Variants in GALNT13 observed in about 807,000 individuals in gnomAD.
The protein encoded by GALNT13 is polypeptide N-acetylgalactosaminyltransferase 13.
GALNT13 carries 28 observed loss-of-function variants against 64.2 expected under a neutral mutation model. The ratio of observed to expected loss-of-function variants is 0.44; its 90% CI spans 0.32 to 0.60. The LOEUF is 0.60. GALNT13 is among the 20% of genes least tolerant of loss of function. The probability of loss-of-function intolerance (pLI) is 0.05; values close to 1 mark genes in which losing one functional copy is unlikely to be tolerated. For missense variants in GALNT13, 577 were observed against 669.8 expected (o/e 0.86, Z 1.53); for synonymous variants, 214 against 224.6 (o/e 0.95, Z 0.42).
chr2:153,492,158 A>G, the GALNT13 span, among the ~76,000 whole-genome samples: 1 of 152,198 alleles, frequency 6.6e-6, no homozygotes, highest in Admixed American at 6.5e-5. Flanking sequence ...AGTCTTCTCA[A>G]ATCCAACCAT....
the GALNT13 span, among the ~76,000 whole-genome samples, chr2:153,565,275 T>G: frequency 2.0e-5 from 3 of 152,108 alleles, no homozygotes; most frequent in African/African-American, 7.2e-5. Flanking sequence ...AGGAAAAACA[T>G]GTTGAGGCAG....
chr2:154,356,368 A>G (rs1307081341), intron 9 of GALNT13, among the ~76,000 whole-genome samples: 1 of 152,008 alleles, frequency 6.6e-6, no homozygotes, highest in African/African-American at 2.4e-5. Context: ...CAATTTGCTC[A>G]GATTGGATTT....
chr2:153,366,773 A>T, the GALNT13 span, among the ~76,000 whole-genome samples: 6 of 141,270 alleles, frequency 4.2e-5, no homozygotes, highest in Non-Finnish European at 7.8e-5. Flanking sequence ...ACACACACAC[A>T]CTGCTATAAA....
the GALNT13 span, among the ~76,000 whole-genome samples, chr2:153,134,148 A>G: frequency 6.6e-6 from 1 of 151,910 alleles, no homozygotes; most frequent in East Asian, 1.9e-4. Flanking sequence ...AAAAGACCAT[A>G]AAGGACAGAC....
At chr2:153,633,935 A>G in the GALNT13 span, among the ~76,000 whole-genome samples, 5 of 152,276 alleles carry the variant, frequency 3.3e-5, no homozygotes, top group South Asian at 1.0e-3. Context: ...ATAATTTCCG[A>G]TGTCTGACTT....
At chr2:153,233,613 C>G in the GALNT13 span, among the ~76,000 whole-genome samples, 5 of 151,926 alleles carry the variant, frequency 3.3e-5, no homozygotes, top group African/African-American at 1.2e-4. Flanking sequence ...ACTTAAATTC[C>G]TAAACTACTT....
the GALNT13 span, among the ~76,000 whole-genome samples, chr2:153,081,391 T>C: frequency 6.6e-6 from 1 of 152,172 alleles, no homozygotes; most frequent in Non-Finnish European, 1.5e-5. Flanking sequence ...TTTACGTTAT[T>C]TTAAAATGTA....
the GALNT13 span, among the ~76,000 whole-genome samples, chr2:153,721,845 C>G: frequency 6.6e-6 from 1 of 151,584 alleles, no homozygotes; most frequent in East Asian, 1.9e-4. Context: ...TAGACTCCCA[C>G]ACAATAATAA....
the GALNT13 span, among the ~76,000 whole-genome samples, chr2:153,189,949 C>T: frequency 9.9e-5 from 15 of 151,888 alleles, no homozygotes; most frequent in South Asian, 6.2e-4. Flanking sequence ...TTTAATGGAA[C>T]GTTTTTATGC....
chr2:154,345,457 T>C (rs914829287), intron 9 of GALNT13, among the ~76,000 whole-genome samples: 7 of 152,044 alleles, frequency 4.6e-5, no homozygotes, highest in Admixed American at 1.3e-4. Flanking sequence ...TTTGCACTGT[T>C]CACTATAGTA....
the GALNT13 span, among the ~76,000 whole-genome samples, chr2:153,630,775 A>G: frequency 9.7e-4 from 7 of 7,230 alleles, no homozygotes; most frequent in East Asian, 0.029. Flanking sequence ...ATATATATAT[A>G]TATATATATA....
chr2:153,361,138 G>A, the GALNT13 span, among the ~76,000 whole-genome samples: 1 of 152,190 alleles, frequency 6.6e-6, no homozygotes, highest in African/African-American at 2.4e-5. Context: ...CTGCAAAAGA[G>A]GGACCTGACC....
chr2:153,403,777 C>G, the GALNT13 span, among the ~76,000 whole-genome samples: 1 of 152,156 alleles, frequency 6.6e-6, no homozygotes, highest in Admixed American at 6.5e-5. Flanking sequence ...ATGCCTTGCC[C>G]TGCTTCGGCT....
the GALNT13 span, among the ~76,000 whole-genome samples, chr2:153,607,097 G>A: frequency 2.3e-3 from 354 of 152,062 alleles, 2 homozygotes; most frequent in Non-Finnish European, 3.6e-3. Context: ...TATTGAAGTT[G>A]TTTGTCAAAA....
chr2:153,866,235 G>A, the GALNT13 span, among the ~76,000 whole-genome samples: 5 of 141,632 alleles, frequency 3.5e-5, no homozygotes, highest in East Asian at 4.1e-4. Flanking sequence ...TGGGTGCAGC[G>A]CACCAGCACG....
chr2:154,057,608 G>A (rs1382016322), intron 3 of GALNT13, among the ~76,000 whole-genome samples: 1 of 152,182 alleles, frequency 6.6e-6, no homozygotes, highest in African/African-American at 2.4e-5. Context: ...GCGGAACAAA[G>A]AGAAGTAGGA....
At chr2:153,420,565 C>T in the GALNT13 span, 44 of 161,480 alleles carry the variant, frequency 2.7e-4, no homozygotes, top group Non-Finnish European at 4.8e-4. Context: ...TCATGATTAC[C>T]GCTGAGTGAA....
chr2:153,260,045 A>C, the GALNT13 span, among the ~76,000 whole-genome samples: 3 of 151,946 alleles, frequency 2.0e-5, no homozygotes, highest in Non-Finnish European at 1.5e-5. Context: ...ACCAATAACA[A>C]CTTAACACTA....
chr2:154,151,444 G>T (rs1684017144), intron 4 of GALNT13, among the ~76,000 whole-genome samples: 1 of 152,130 alleles, frequency 6.6e-6, no homozygotes, highest in Non-Finnish European at 1.5e-5. Flanking sequence ...TGTCTATTAG[G>T]TCCGCTTGGT....
Sources: allele counts gnomAD v4.1 joint callset (sites outside exome capture counted in the v4.1 genomes callset), GRCh38; gene constraint gnomAD v4.1.1; transcripts MANE v1.5; gene names NCBI Gene and HGNC (gene_info 2026-07-23, HGNC 2026-07-21).